Variants in CHD4 observed in about 807,000 individuals in gnomAD.
The protein encoded by CHD4 is chromodomain helicase DNA binding protein 4.
CHD4 carries 35 observed loss-of-function variants against 235.5 expected under a neutral mutation model. The observed-to-expected ratio is 0.15, with a 90% CI of 0.11 to 0.20. The LOEUF (loss-of-function observed/expected upper bound fraction) is 0.20. CHD4 is among the 10% of genes least tolerant of loss of function. The pLI is 1.00. For synonymous variants in CHD4, 900 were observed against 850.2 expected (o/e 1.06, Z -1.02); for missense variants, 1,329 against 2,432.3 (o/e 0.55, Z 9.54).
chr12:6,606,144 C>G, intron 2 of CHD4, 130 bp downstream of exon 2: 1 of 632,492 alleles, frequency 1.6e-6, no homozygotes, highest in East Asian at 3.3e-5. Flanking sequence ...GAACCACTCC[C>G]TTCGGATACC....
intron 17 of CHD4, 41 bp from the exon 18 acceptor site, chr12:6,592,858 A>G: frequency 6.3e-7 from 1 of 1,595,022 alleles, no homozygotes; most frequent in Non-Finnish European, 8.5e-7. Flanking sequence ...CAATGAAAAC[A>G]GAGCTCTAGC....
chr12:6,596,996 G>A (rs1299559930), intron 12 of CHD4, among the ~76,000 whole-genome samples: 3 of 150,848 alleles, frequency 2.0e-5, no homozygotes, highest in South Asian at 2.1e-4. Flanking sequence ...TAGGCCGAGT[G>A]CGGCGGCTCA....
intron 2 of CHD4, among the ~76,000 whole-genome samples, chr12:6,605,460 G>C (rs1052750048): frequency 2.6e-5 from 4 of 152,050 alleles, no homozygotes; most frequent in Non-Finnish European, 5.9e-5. Context: ...CAACCATACG[G>C]GTTTGGCCAG....
intron 15 of CHD4, 79 bp downstream of exon 15, chr12:6,594,380 T>C: frequency 2.2e-6 from 3 of 1,363,182 alleles, no homozygotes; most frequent in East Asian, 2.3e-5. Context: ...TTTATTCCCT[T>C]ATCTCTCTAC....
Position 6,581,635 on chromosome 12 carries a change from A to T in CHD4, c.4681+14T>A. On this transcript the variant is annotated intron_variant, in intron 31 of 39. Transcript: ENST00000544040. ...AAAGAGAGGGACAGAAAATGATAGG[A>T]CAGGCAGACTTACCAGCAGGTGGGA... 6.2e-7 allele frequency: 1 copy of T among 1,614,052 alleles called. No homozygotes were observed. Among genetic ancestry groups the T allele is most frequent in the Non-Finnish European group, 8.5e-7 (1 of 1,179,920 alleles).
Position 6,570,220 on chromosome 12 carries a change from G to GT in CHD4, c.*455dup, listed in dbSNP as rs1947936357. The GT allele has an allele frequency of 6.1e-6, 1 of 163,522 alleles. No homozygotes were observed. Among genetic ancestry groups the GT allele is most frequent in the African/African-American group, 2.4e-5 (1 of 41,586 alleles). 10.1% of individuals were successfully genotyped at this position (163,522 alleles called of 1,614,324 possible). On this transcript the variant is annotated 3_prime_UTR_variant, in exon 40 of 40. Transcript: ENST00000544040. ...AGTGGCTAGAGCCGCTGGGTTCCTG[G>GT]TATTAAAAAGATGCCAACAGAGGTA... is the stretch of plus-strand genomic sequence containing the variant.
chr12:6,591,431 G>T, intron 22 of CHD4, 35 bp downstream of exon 22: 1 of 1,525,088 alleles, frequency 6.6e-7, no homozygotes, highest in Non-Finnish European at 9.1e-7. Context: ...AAGCAAATGA[G>T]GATTCCTGAA....
chr12:6,599,667 G>A, intron 10 of CHD4, 106 bp downstream of exon 10: 6 of 1,399,758 alleles, frequency 4.3e-6, no homozygotes, highest in South Asian at 2.6e-5. Context: ...CCTTTCTCAG[G>A]GCTGAAAAGC....
At position 6,597,754 on chromosome 12, in the gene CHD4, G is replaced by GAC. The variant is rs2136220541; in HGVS notation, c.1892+138_1892+139dup. 25 of 737,064 alleles carry GAC rather than the reference G, an allele frequency of 3.4e-5. 1 individual carries two copies. In the South Asian group the frequency reaches 4.2e-4, roughly 12 times the overall value. 45.7% of individuals were successfully genotyped at this position (737,064 alleles called of 1,614,324 possible). On this transcript the variant is annotated intron_variant, in intron 12 of 39. Transcript: ENST00000544040. ...GCACTCCAGCCTGGGCACAGAGTGA[G>GAC]ACTCTGTCTCAAAAACAAAAAACAA...
intron 30 of CHD4, 152 bp downstream of exon 30, chr12:6,581,985 T>C: frequency 9.0e-7 from 1 of 1,112,296 alleles, no homozygotes; most frequent in Non-Finnish European, 1.2e-6. Context: ...GTATTTTTAG[T>C]AGAGATGGGG....
intron 37 of CHD4, among the ~76,000 whole-genome samples, chr12:6,576,752 G>A (rs977639865): frequency 6.6e-6 from 1 of 152,092 alleles, no homozygotes; most frequent in African/African-American, 2.4e-5. Flanking sequence ...TCTCTCTCCT[G>A]ATATGCAGAA....
intron 14 of CHD4, among the ~76,000 whole-genome samples, chr12:6,594,866 A>G (rs552773855): frequency 6.6e-6 from 1 of 152,328 alleles, no homozygotes; most frequent in East Asian, 1.9e-4. Context: ...TTGATCCTAC[A>G]GATCACTGAG....
chr12:6,597,522 G>C (rs895473498), intron 12 of CHD4, among the ~76,000 whole-genome samples: 3 of 152,010 alleles, frequency 2.0e-5, no homozygotes, highest in African/African-American at 7.3e-5. Context: ...CTAGCACTTA[G>C]GGAGGCCAAG....
chr12:6,582,532 CGGCTA>C, intron 29 of CHD4, 78 bp downstream of exon 29: 13 of 1,517,232 alleles, frequency 8.6e-6, no homozygotes, highest in Non-Finnish European at 1.1e-5. Context: ...CTTCCCTGCA[CGGCTA>C]GGCCTAGAAC....
intron 37 of CHD4, among the ~76,000 whole-genome samples, chr12:6,577,437 A>C (rs1169519679): frequency 6.6e-6 from 1 of 150,590 alleles, no homozygotes; most frequent in African/African-American, 2.4e-5. Context: ...AAAAAAAAAA[A>C]AACAACCAGC....
chr12:6,584,875 A>C (rs1443485727), intron 25 of CHD4: 2 of 152,248 alleles, frequency 1.3e-5, no homozygotes, highest in Admixed American at 1.3e-4. Context: ...CTGCCACTGA[A>C]AGGAATGTGA....
chr12:6,574,087 C>T (rs1391727671), intron 37 of CHD4, among the ~76,000 whole-genome samples: 1 of 152,122 alleles, frequency 6.6e-6, no homozygotes, highest in Non-Finnish European at 1.5e-5. Context: ...ATCGCCATCT[C>T]ACTCCCATTC....
intron 25 of CHD4, 113 bp downstream of exon 25, chr12:6,587,271 A>C (rs1948315884): frequency 6.9e-6 from 7 of 1,010,430 alleles, no homozygotes; most frequent in Middle Eastern, 2.1e-4. Flanking sequence ...TCAATTCATC[A>C]ACATAAGAAT....
chr12:6,605,370 G>T (rs1336634601), intron 2 of CHD4, among the ~76,000 whole-genome samples: 1 of 152,186 alleles, frequency 6.6e-6, no homozygotes, highest in Non-Finnish European at 1.5e-5. Context: ...ACACAGAAGA[G>T]AAAGACATCT....
Sources: gnomAD v4.1 joint callset for allele counts (sites outside exome capture counted in the v4.1 genomes callset) on GRCh38, gnomAD v4.1.1 for gene constraint, MANE v1.5 for transcripts, NCBI Gene and HGNC (gene_info 2026-07-23, HGNC 2026-07-21) for gene names.